CDK5RAP2: variants seen among roughly 807,000 people sequenced by gnomAD.
CDK5RAP2 encodes CDK5 regulatory subunit associated protein 2, also known as CDK5 regulatory subunit-associated protein 2.
CDK5RAP2 carries 147 observed loss-of-function variants against 232.9 expected under a neutral mutation model. The observed-to-expected ratio is 0.63, with a 90% confidence interval of 0.55 to 0.72. CDK5RAP2 has a LOEUF of 0.72. CDK5RAP2 is among the 30% of genes least tolerant of loss of function. The pLI, the probability that CDK5RAP2 is intolerant of heterozygous loss-of-function variation, is 0.00. For synonymous variants in CDK5RAP2, 833 were observed against 833.7 expected, an observed-to-expected ratio of 1.00 and a Z score of 0.01; for missense variants, 2,195 against 2,231.5, an observed-to-expected ratio of 0.98 and a Z score of 0.33.
intron 22 of CDK5RAP2, among the ~76,000 whole-genome samples, chr9:120,445,248 C>T (rs2036119914): frequency 1.3e-5 from 2 of 152,230 alleles, no homozygotes; most frequent in African/African-American, 2.4e-5. Context: ...CTTTGCTCCT[C>T]GCTGCCACTT....
At chr9:120,440,283 G>C (rs1440525750) in intron 23 of CDK5RAP2, 2 of 394,942 alleles carry the variant, frequency 5.1e-6, no homozygotes, top group Non-Finnish European at 9.5e-6. Context: ...GACATTCCCA[G>C]TATCTACATG....
intron 17 of CDK5RAP2, among the ~76,000 whole-genome samples, chr9:120,469,813 G>A (rs950416370): frequency 6.6e-6 from 1 of 152,180 alleles, no homozygotes; most frequent in African/African-American, 2.4e-5. Context: ...TTTGGATTAG[G>A]TACAAAAAAA....
At chr9:120,457,679 T>A (rs910246367) in intron 20 of CDK5RAP2, among the ~76,000 whole-genome samples, 1 of 152,250 alleles carries the variant, frequency 6.6e-6, no homozygotes, top group South Asian at 2.1e-4. Flanking sequence ...CTGGCTCTTA[T>A]CAAGAGTCAT....
chr9:120,475,862 C>T (rs994963378), intron 15 of CDK5RAP2, among the ~76,000 whole-genome samples: 3 of 152,248 alleles, frequency 2.0e-5, no homozygotes, highest in Admixed American at 6.5e-5. Flanking sequence ...AAGGTGGGAC[C>T]CCTGCCCTGA....
At chr9:120,518,729 T>A in intron 11 of CDK5RAP2, 84 bp from the exon 12 acceptor site, 2 of 1,067,596 alleles carry the variant, frequency 1.9e-6, no homozygotes, top group Non-Finnish European at 2.8e-6. Context: ...TTTTTCGCCG[T>A]GGGGGAAAAA....
At chr9:120,434,937 G>A (rs1269776597) in intron 25 of CDK5RAP2, among the ~76,000 whole-genome samples, 1 of 152,102 alleles carries the variant, frequency 6.6e-6, no homozygotes, top group Non-Finnish European at 1.5e-5. Context: ...GGAGATAAGG[G>A]AAAAGGAGAA....
rs141966995 is a variant in CDK5RAP2, at chr9:120,563,004, T to G, written c.195+5317A>C. 1.2e-3 allele frequency among the ~76,000 whole-genome samples: 181 copies of G among 152,226 alleles called. 2 individuals carry two copies. Among genetic ancestry groups the G allele is most frequent in the Non-Finnish European group, 2.1e-3 (143 of 68,014 alleles). ...GTACCAGACATTGAATAGAGACACA[T>G]GTTAAGCAAGTACACTAATAAAGAA... On this transcript the variant is annotated intron_variant, in intron 3 of 37. Transcript: ENST00000349780.
chr9:120,453,056 T>C (rs1042508183), intron 21 of CDK5RAP2, among the ~76,000 whole-genome samples: 37 of 152,188 alleles, frequency 2.4e-4, no homozygotes, highest in Admixed American at 2.3e-3. Flanking sequence ...GAAAACTGTA[T>C]AAATTTTGGG....
rs2040606210 is a variant in CDK5RAP2 at position 120,520,811 on chromosome 9, A to ATATATCTCATATGAGCTG, written c.1093-2167_1093-2166insCAGCTCATATGAGATATA. On this transcript the variant is annotated intron_variant, in intron 11 of 37. Coordinates refer to ENST00000349780, the MANE Select transcript of CDK5RAP2 (RefSeq NM_018249.6). ...ATATATCTCATATATCTCATGAGAT[A>ATATATCTCATATGAGCTG]TATCTCATATATATCTCATATGAGC... Among the ~76,000 whole-genome samples the ATATATCTCATATGAGCTG allele has an allele frequency of 7.5e-5, 5 of 66,348 alleles. 2 individuals carry two copies. Among genetic ancestry groups the ATATATCTCATATGAGCTG allele is most frequent in the Non-Finnish European group, 6.7e-5 (2 of 29,782 alleles). The allele number at this position is 66,348 out of a possible 152,430, so 43.5% of individuals were successfully genotyped here.
At chr9:120,466,379 G>T (rs763761534) in intron 18 of CDK5RAP2, among the ~76,000 whole-genome samples, 2 of 152,154 alleles carry the variant, frequency 1.3e-5, no homozygotes, top group Non-Finnish European at 2.9e-5. Flanking sequence ...CATTCTGGGG[G>T]ATGATGGGGA....
Position 120,518,204 on chromosome 9 carries a change from TGTGTGTGAGAGAGA to T in CDK5RAP2, c.1311+209_1311+222del, listed in dbSNP as rs1392035969. On this transcript the variant is annotated intron_variant, in intron 12 of 37. Transcript: ENST00000349780. ...GTGTGTGTGTGTGTGTGTGTGTGTG[TGTGTGTGAGAGAGA>T]GAGAGAGAGAGAGAGAGAGAGAGAG... Among the ~76,000 whole-genome samples the T allele has an allele frequency of 5.2e-3, 557 of 107,216 alleles. 2 individuals carry two copies. The highest frequency in any genetic ancestry group is 0.014 in the African/African-American group (349 of 24,612). The allele number at this position is 107,216 out of a possible 152,430, so 70.3% of individuals were successfully genotyped here.
At chr9:120,411,945 A>C (rs1442054553) in intron 28 of CDK5RAP2, among the ~76,000 whole-genome samples, 1 of 151,534 alleles carries the variant, frequency 6.6e-6, no homozygotes, top group East Asian at 1.9e-4. Context: ...GAGCCATTCT[A>C]AACCCCTTTC....
intron 4 of CDK5RAP2, among the ~76,000 whole-genome samples, chr9:120,548,788 G>A (rs1005961090): frequency 6.6e-6 from 1 of 152,220 alleles, no homozygotes; most frequent in African/African-American, 2.4e-5. Flanking sequence ...CTCCAGCTCG[G>A]TGACAGAGTG....
At chr9:120,400,292 A>G (rs551238567) in intron 35 of CDK5RAP2, among the ~76,000 whole-genome samples, 1 of 152,358 alleles carries the variant, frequency 6.6e-6, no homozygotes, top group South Asian at 2.1e-4. Flanking sequence ...TATGATGATG[A>G]AAGCTGTCGA....
intron 3 of CDK5RAP2, among the ~76,000 whole-genome samples, chr9:120,561,002 C>A (rs769398136): frequency 1.3e-5 from 2 of 152,132 alleles, no homozygotes; most frequent in Non-Finnish European, 2.9e-5. Context: ...AAATTGGCTT[C>A]TCAGGCCCTC....
intron 12 of CDK5RAP2, among the ~76,000 whole-genome samples, chr9:120,516,514 A>G (rs2040348173): frequency 6.6e-6 from 1 of 152,086 alleles, no homozygotes; most frequent in Non-Finnish European, 1.5e-5. Context: ...CTTAAAGTAT[A>G]ATAATAAAAA....
chr9:120,494,682 T>TAGAAGGAAAGATAGAAA (rs1278694216), intron 12 of CDK5RAP2, among the ~76,000 whole-genome samples: 2 of 151,744 alleles, frequency 1.3e-5, no homozygotes, highest in Admixed American at 6.6e-5. Context: ...CTAATAAGAA[T>TAGAAGGAAAGATAGAAA]AGAAGGAAAG....
At chr9:120,423,503 GAAAACA>G (rs2034695873) in intron 25 of CDK5RAP2, among the ~76,000 whole-genome samples, 1 of 152,238 alleles carries the variant, frequency 6.6e-6, no homozygotes, top group Admixed American at 6.5e-5. Context: ...AATGACAAAA[GAAAACA>G]AAATAAAGCT....
chr9:120,466,851 G>C (rs2037404896), intron 18 of CDK5RAP2, among the ~76,000 whole-genome samples: 1 of 152,232 alleles, frequency 6.6e-6, no homozygotes, highest in African/African-American at 2.4e-5. Context: ...TGCAATGAAT[G>C]TGAGTTCTCC....
Sources: allele counts gnomAD v4.1 joint callset (sites outside exome capture counted in the v4.1 genomes callset), GRCh38; gene constraint gnomAD v4.1.1; transcripts MANE v1.5; gene names NCBI Gene and HGNC (gene_info 2026-07-23, HGNC 2026-07-21).